The following CXCR4 variants were observed in gnomAD, a reference collection of about 807,000 sequenced individuals.
The protein encoded by CXCR4 is C-X-C motif chemokine receptor 4.
Under a neutral mutation model 22.4 loss-of-function variants are expected in CXCR4, and 6 were observed. The ratio of observed to expected loss-of-function variants is 0.27; its 90% CI spans 0.15 to 0.53. The LOEUF (loss-of-function observed/expected upper bound fraction) is 0.53, where lower values mean the gene tolerates loss of function less well. CXCR4 is among the 20% of genes least tolerant of loss of function. The pLI, the probability that CXCR4 is intolerant of heterozygous loss-of-function variation, is 0.96. For missense variants in CXCR4, 300 were observed against 430.4 expected (o/e 0.70, Z 2.68); for synonymous variants, 155 against 171.7 (o/e 0.90, Z 0.76).
At chr2:136,116,317 T>G in intron 1 of CXCR4, 1 of 870,012 alleles carries the variant, frequency 1.1e-6, no homozygotes, top group Non-Finnish European at 1.4e-6. Context: ...GGGTGGGTGC[T>G]GCTAGGAGGG....
intron 1 of CXCR4, 106 bp downstream of exon 1, chr2:136,117,940 C>G: frequency 1.2e-6 from 1 of 836,790 alleles, no homozygotes; most frequent in Non-Finnish European, 1.7e-6. Flanking sequence ...TTTTGGAGTA[C>G]GGGTACCTCC....
Position 136,115,682 on chromosome 2 carries a change from C to T in CXCR4, c.246G>A (p.Val82=), listed in dbSNP as rs1159212095. 6.2e-7 allele frequency: 1 copy of T among 1,614,080 alleles called. No homozygotes were observed. Among genetic ancestry groups the T allele is most frequent in the Non-Finnish European group, 8.5e-7 (1 of 1,180,046 alleles). Residue 82 remains valine, a synonymous_variant, in exon 2 of 2, where the codon GTG becomes GTA. Coordinates refer to ENST00000241393, the MANE Select transcript of CXCR4 (RefSeq NM_003467.3). This position sits in a 1 kb window ranked among gnomAD's most constrained non-coding sequence, Gnocchi z 6.4. ...GCGTGATGACAAAGAGGAGGTCGGC[C>T]ACTGACAGGTGCAGCCTGTACTTGT... ...MTDKYRLHLS[V]ADLLFVITLP... is the part of the protein sequence containing the mutation.
chr2:136,117,820 T>C (rs1684958566), intron 1 of CXCR4: 2 of 535,716 alleles, frequency 3.7e-6, no homozygotes, highest in Admixed American at 3.5e-5. Flanking sequence ...TGGAACGCTC[T>C]TTCCAGTCGT....
intron 1 of CXCR4, 159 bp downstream of exon 1, chr2:136,117,887 C>CCCCCAAA: frequency 4.5e-6 from 1 of 222,946 alleles, no homozygotes; most frequent in Non-Finnish European, 9.1e-6. Context: ...CACCCACCCG[C>CCCCCAAA]ACTATATAGG....
chr2:136,118,108 C>T lies in CXCR4; in HGVS notation c.-48G>A. On this transcript the variant is annotated 5_prime_UTR_variant, in exon 1 of 2. Coordinates refer to ENST00000241393, the MANE Select transcript of CXCR4 (RefSeq NM_003467.3). ...GCGGTGGCTACTGGAGCACTCAGGC[C>T]CTCGGCGTCACTTTGCTACCTGCTG... 6.2e-7 allele frequency: 1 copy of T among 1,606,152 alleles called. No individual in the cohort carries two copies. The highest frequency in any genetic ancestry group is 8.5e-7 in the Non-Finnish European group (1 of 1,173,922).
chr2:136,115,621 A>G lies in CXCR4; in HGVS notation c.307T>C (p.Tyr103His), dbSNP rs765237875. The G allele has an allele frequency of 3.1e-6, 5 of 1,614,194 alleles. No individual in the cohort carries two copies. The highest frequency in any genetic ancestry group is 1.7e-5 in the Admixed American group (1 of 60,032). Residue 103 changes from tyrosine to histidine, a missense_variant, in exon 2 of 2, where the codon TAC becomes CAC. Transcript: ENST00000241393. This position sits in a 1 kb window ranked among gnomAD's most constrained non-coding sequence, Gnocchi z 6.4. ...GCCTTGCATAGGAAGTTCCCAAAGT[A>G]CCAGTTTGCCACGGCATCAACTGCC... ...FWAVDAVANW[Y>H]FGNFLCKAVH...
At position 136,114,893 on chromosome 2, in the gene CXCR4, C is replaced by T; in HGVS notation, c.1035G>A (p.Glu345=). 6.2e-7 allele frequency: 1 copy of T among 1,610,342 alleles called. No homozygotes were observed. Among genetic ancestry groups the T allele is most frequent in the Non-Finnish European group, 8.5e-7 (1 of 1,177,904 alleles). Residue 345 remains glutamate, a synonymous_variant, in exon 2 of 2, where the codon GAG becomes GAA. Coordinates refer to ENST00000241393, the MANE Select transcript of CXCR4 (RefSeq NM_003467.3). The part of the protein sequence containing the change: ...GGHSSVSTES[E]SSSFHSS Reference sequence around the variant, plus strand: ...GTTAGCTGGAGTGAAAACTTGAAGACTCAGACTCAGTGGAAACAGATGAAT... The same window carrying T: ...GTTAGCTGGAGTGAAAACTTGAAGATTCAGACTCAGTGGAAACAGATGAAT...
chr2:136,117,869 T>TCACCCCCCCCCCC lies in CXCR4; in HGVS notation c.15+176_15+177insGGGGGGGGGGGTG. On this transcript the variant is annotated intron_variant, in intron 1 of 1. Coordinates refer to ENST00000241393, the MANE Select transcript of CXCR4 (RefSeq NM_003467.3). Reference sequence around the variant, plus strand: ...ACAGAGAAAAAGATTCCAATCCTGCTCCCCCCCCACCCACCCGCACTATAT... The same window carrying TCACCCCCCCCCCC: ...ACAGAGAAAAAGATTCCAATCCTGCTCACCCCCCCCCCCCCCCCCCCACCCACCCGCACTATAT... 4 of 170,812 alleles carry TCACCCCCCCCCCC rather than the reference T, an allele frequency of 2.3e-5. 1 individual carries two copies. The highest frequency in any genetic ancestry group is 1.4e-4 in the South Asian group (2 of 14,368). The allele number at this position is 170,812 out of a possible 1,614,324, so 10.6% of individuals were successfully genotyped here. A position where few individuals can be genotyped will look rare whatever the true frequency, so the allele number is the denominator to read the frequency against.
chr2:136,116,880 C>G (rs1278698691), intron 1 of CXCR4, among the ~76,000 whole-genome samples: 1 of 152,164 alleles, frequency 6.6e-6, no homozygotes, highest in African/African-American at 2.4e-5. Context: ...CGCGGCTGCC[C>G]ACTACACCCA....
intron 1 of CXCR4, chr2:136,116,277 A>C: frequency 8.7e-7 from 1 of 1,149,148 alleles, no homozygotes; most frequent in African/African-American, 1.6e-5. Flanking sequence ...ATACACACAA[A>C]GAGGCCACTC....
rs1384299787 is a variant in CXCR4, at chr2:136,118,112, G to C, written c.-52C>G. 10 of 1,602,050 alleles carry C rather than the reference G, an allele frequency of 6.2e-6. No individual in the cohort carries two copies. Among genetic ancestry groups the C allele is most frequent in the Non-Finnish European group, 8.5e-6 (10 of 1,170,548 alleles). ...TGGCTACTGGAGCACTCAGGCCCTC[G>C]GCGTCACTTTGCTACCTGCTGCCGC... On this transcript the variant is annotated 5_prime_UTR_variant, in exon 1 of 2. Coordinates refer to ENST00000241393, the MANE Select transcript of CXCR4 (RefSeq NM_003467.3).
In CXCR4 at chr2:136,118,044, A is replaced by C; in HGVS notation, c.15+2T>G. 1 of 1,613,830 alleles carries C rather than the reference A, an allele frequency of 6.2e-7. No homozygotes were observed. The highest frequency in any genetic ancestry group is 8.5e-7 in the Non-Finnish European group (1 of 1,179,738). On this transcript the variant is annotated splice_donor_variant, in intron 1 of 1. Coordinates refer to ENST00000241393, the MANE Select transcript of CXCR4 (RefSeq NM_003467.3). LOFTEE classifies it high-confidence loss of function. ...GACAAAGCAGGTTGAAACTGGACTT[A>C]CACTGATCCCCTCCATGGTAACCGC...
In CXCR4 at chr2:136,114,973, A is replaced by G. The variant is rs1684841589; in HGVS notation, c.955T>C (p.Ser319Pro). The change falls in exon 2 of 2, where the codon TCT becomes CCT. Residue 319 changes from serine to proline, a missense_variant. Transcript: ENST00000241393. ...FKTSAQHALT[S>P]VSRGSSLKIL... ...TTGAGGCTGGACCCTCTGCTCACAGAGGTGAGTGCGTGCTGGGCAGAGGTT... is the reference window on the plus strand; with the variant it reads ...TTGAGGCTGGACCCTCTGCTCACAGGGGTGAGTGCGTGCTGGGCAGAGGTT... The G allele has an allele frequency of 6.2e-7, 1 of 1,613,948 alleles. No homozygotes were observed.
intron 1 of CXCR4, chr2:136,116,273 A>C: frequency 5.2e-6 from 6 of 1,148,634 alleles, no homozygotes; most frequent in Non-Finnish European, 6.6e-6. Context: ...AAAAATACAC[A>C]CAAAGAGGCC....
chr2:136,116,883 T>C (rs1386127381), intron 1 of CXCR4, among the ~76,000 whole-genome samples: 1 of 152,120 alleles, frequency 6.6e-6, no homozygotes, highest in Admixed American at 6.5e-5. Flanking sequence ...GGCTGCCCAC[T>C]ACACCCACGC....
chr2:136,116,692 G>A (rs1020372055), intron 1 of CXCR4, among the ~76,000 whole-genome samples: 2 of 152,164 alleles, frequency 1.3e-5, no homozygotes, highest in African/African-American at 4.8e-5. Flanking sequence ...CATTTTCCTG[G>A]GTGGAGAAGG....
intron 1 of CXCR4, 128 bp downstream of exon 1, chr2:136,117,918 T>G (rs2104922217): frequency 2.1e-6 from 1 of 481,702 alleles, no homozygotes; most frequent in African/African-American, 2.2e-5. Flanking sequence ...AAAACTCCTT[T>G]CGGTGACCCT....
rs1363377230 is a variant in CXCR4 at position 136,115,875 on chromosome 2, G to A, written c.53C>T (p.Ser18Leu). The A allele has an allele frequency of 1.2e-6, 2 of 1,614,148 alleles. No homozygotes were observed. The highest frequency in any genetic ancestry group is 1.7e-6 in the Non-Finnish European group (2 of 1,180,034). ...TTCCTTCATGGAGTCATAGTCCCCT[G>A]AGCCCATTTCCTCGGTGTAGTTATC... is the stretch of plus-strand genomic sequence containing the variant. ...TSDNYTEEMG[S>L]GDYDSMKEPC... Residue 18 changes from serine (S) to leucine (L), a missense_variant, in exon 2 of 2, where the codon TCA (serine) becomes TTA (leucine). Ser to Leu is a moderately radical substitution (Grantham distance 145). Transcript: ENST00000241393. This position sits in a 1 kb window ranked among gnomAD's most constrained non-coding sequence, Gnocchi z 6.4.
chr2:136,115,469 T>G lies in CXCR4; in HGVS notation c.459A>C (p.Glu153Asp). Residue 153 changes from glutamate to aspartate, a missense_variant, in exon 2 of 2, where the codon GAA (glutamate) becomes GAC (aspartate). By Grantham distance (45) the Glu-to-Asp change is conservative. Transcript: ENST00000241393. This position sits in a 1 kb window ranked among gnomAD's most constrained non-coding sequence, Gnocchi z 6.4. ...TCCAGACGCCAACATAGACCACCTT[T>G]TCAGCCAACAGCTTCCTTGGCCTCT... ...NSQRPRKLLA[E>D]KVVYVGVWIP... is the part of the protein sequence containing the mutation. 1 of 1,614,140 alleles carries G rather than the reference T, an allele frequency of 6.2e-7. No individual in the cohort carries two copies. Among genetic ancestry groups the G allele is most frequent in the Non-Finnish European group, 8.5e-7 (1 of 1,180,036 alleles).
Sources: gnomAD v4.1 joint callset for allele counts (sites outside exome capture counted in the v4.1 genomes callset) on GRCh38, gnomAD v4.1.1 for gene constraint, Gnocchi (gnomAD v3.1) non-coding constraint, MANE v1.5 for transcripts, NCBI Gene and HGNC (gene_info 2026-07-23, HGNC 2026-07-21) for gene names.